The following ZNF141 variants were observed in gnomAD, a reference collection of about 807,000 sequenced individuals.
The protein encoded by ZNF141 is zinc finger protein 141 (clone pHZ-44).
A neutral mutation model predicts 11.3 loss-of-function variants in ZNF141; 7 were observed. The observed-to-expected ratio is 0.62, with a 90% CI of 0.35 to 1.16. The LOEUF (loss-of-function observed/expected upper bound fraction) is 1.16. Among genes scored for constraint, ZNF141 ranks in the 50% most tolerant of loss-of-function variants. The pLI is 0.02. For missense variants in ZNF141, 535 were observed against 554.0 expected (o/e 0.97, Z 0.34); for synonymous variants, 183 against 190.7 (o/e 0.96, Z 0.33).
rs1712360424 is a variant in ZNF141, at chr4:376,274, G to C, written c.*2412G>C. 6.6e-6 allele frequency among the ~76,000 whole-genome samples: 1 copy of C among 151,926 alleles called. No homozygotes were observed. ...GGCTTTAAATAGCAAATACATTGAA[G>C]AATATCATTCCCATATGTTGTATTT... On this transcript the variant is annotated 3_prime_UTR_variant, in exon 4 of 4. Coordinates refer to ENST00000240499, the MANE Select transcript of ZNF141 (RefSeq NM_003441.4).
chr4:374,450 A>C lies in ZNF141; in HGVS notation c.*588A>C. On this transcript the variant is annotated 3_prime_UTR_variant, in exon 4 of 4. Transcript: ENST00000240499. ...ATAAGAGAATTTATACCAGAGAGAA[A>C]CCCTACACATGTAAAGAATGTGGCA... The C allele has an allele frequency of 2.9e-6, 1 of 346,460 alleles. No individual in the cohort carries two copies. Among genetic ancestry groups the C allele is most frequent in the Non-Finnish European group, 5.9e-6 (1 of 169,380 alleles). 21.5% of individuals were successfully genotyped at this position (346,460 alleles called of 1,614,324 possible).
intron 3 of ZNF141, among the ~76,000 whole-genome samples, chr4:371,413 G>A (rs186691359): frequency 2.4e-4 from 37 of 151,714 alleles, no homozygotes; most frequent in Non-Finnish European, 4.4e-4. Context: ...TGTAGTTTTA[G>A]TAGAGACAGA....
chr4:369,766 T>A (rs10015733), intron 3 of ZNF141, among the ~76,000 whole-genome samples: 587 of 32,752 alleles, frequency 0.018, no homozygotes, highest in East Asian at 0.061. Flanking sequence ...ATATATATAT[T>A]TTTTTTTTTT....
intron 3 of ZNF141, among the ~76,000 whole-genome samples, chr4:369,696 C>T (rs1191883606): frequency 4.3e-5 from 5 of 115,446 alleles, no homozygotes; most frequent in Non-Finnish European, 8.8e-5. Flanking sequence ...TGTATCTATA[C>T]CTTTGTGGTA....
At chr4:340,886 T>C (rs1721014259) in intron 1 of ZNF141, among the ~76,000 whole-genome samples, 1 of 152,192 alleles carries the variant, frequency 6.6e-6, no homozygotes, top group African/African-American at 2.4e-5. Flanking sequence ...CTGACAGCTT[T>C]CTATCAGTTC....
At chr4:350,063 T>C in intron 3 of ZNF141, 1 of 496,790 alleles carries the variant, frequency 2.0e-6, no homozygotes, top group South Asian at 1.5e-5. Context: ...CATGGCTGGG[T>C]GTGTATCTCC....
rs140733549 is a variant in ZNF141, at chr4:351,971, A to T, written c.226+7541A>T. Among the ~76,000 whole-genome samples the T allele has an allele frequency of 7.4e-3, 1,124 of 152,264 alleles. 11 individuals are homozygous for T. The Middle Eastern group carries it at 0.075, about 10-fold the overall frequency. On this transcript the variant is annotated intron_variant, in intron 3 of 3. Transcript: ENST00000240499. ...AGTAAAATAAATTTTGATGTAGGTA[A>T]GAAGTGAGTTTATTCTAAGGAGTAT...
At chr4:340,979 A>C (rs782775874) in intron 1 of ZNF141, among the ~76,000 whole-genome samples, 1 of 152,156 alleles carries the variant, frequency 6.6e-6, no homozygotes, top group African/African-American at 2.4e-5. Context: ...TTTATAGTCC[A>C]GGGTTGCAAT....
chr4:348,908 A>G (rs1302972695), intron 3 of ZNF141, among the ~76,000 whole-genome samples: 2 of 152,138 alleles, frequency 1.3e-5, no homozygotes, highest in Non-Finnish European at 2.9e-5. Context: ...ATCACTTTGG[A>G]TAATATTCTT....
rs1414928440 is a variant in ZNF141, at chr4:382,415, C to G, written c.*8553C>G. On this transcript the variant is annotated 3_prime_UTR_variant, in exon 4 of 4. Coordinates refer to ENST00000240499, the MANE Select transcript of ZNF141 (RefSeq NM_003441.4). ...ATTGCTATGTCACTTGCCTGCAGAG[C>G]AAAAGTTGATTCAGGAACAGTAATT... Among the ~76,000 whole-genome samples, 2 of 152,044 alleles carry G rather than the reference C, an allele frequency of 1.3e-5. No individual in the cohort carries two copies. The highest frequency in any genetic ancestry group is 2.9e-5 in the Non-Finnish European group (2 of 68,016).
At chr4:355,207 T>A (rs964520668) in intron 3 of ZNF141, among the ~76,000 whole-genome samples, 3 of 152,136 alleles carry the variant, frequency 2.0e-5, no homozygotes, top group South Asian at 4.2e-4. Context: ...TTATTTATTT[T>A]TTGAGACAGT....
chr4:343,584 G>A (rs1721162599), intron 1 of ZNF141, among the ~76,000 whole-genome samples, 198 bp from the exon 2 acceptor site: 1 of 151,938 alleles, frequency 6.6e-6, no homozygotes, highest in African/African-American at 2.4e-5. Flanking sequence ...AATCAGCTGG[G>A]CGTGGTGGCG....
At chr4:345,370 G>A (rs1721271060) in intron 3 of ZNF141, among the ~76,000 whole-genome samples, 1 of 152,070 alleles carries the variant, frequency 6.6e-6, no homozygotes, top group African/African-American at 2.4e-5. Flanking sequence ...AACTCTATAT[G>A]TGCAAATTTT....
chr4:350,403 A>C (rs1376358535), intron 3 of ZNF141, among the ~76,000 whole-genome samples: 1 of 152,236 alleles, frequency 6.6e-6, no homozygotes, highest in Non-Finnish European at 1.5e-5. Context: ...TTATTTCACT[A>C]AAATAATGGC....
At chr4:341,072 CTTTT>C (rs34755542) in intron 1 of ZNF141, among the ~76,000 whole-genome samples, 1 of 142,844 alleles carries the variant, frequency 7.0e-6, no homozygotes. Context: ...AAACATTTTT[CTTTT>C]TTTTTTTTTT....
chr4:370,984 G>A (rs769255473), intron 3 of ZNF141, among the ~76,000 whole-genome samples: 30 of 151,580 alleles, frequency 2.0e-4, no homozygotes, highest in Non-Finnish European at 4.3e-4. Flanking sequence ...CACCAGCCTC[G>A]GCCTCTCAAA....
At chr4:360,701 T>C (rs1370545517) in intron 3 of ZNF141, among the ~76,000 whole-genome samples, 1 of 152,126 alleles carries the variant, frequency 6.6e-6, no homozygotes, top group Non-Finnish European at 1.5e-5. Context: ...ATAAAAATCA[T>C]TGGAGCAAGT....
chr4:347,441 G>A (rs1408449121), intron 3 of ZNF141, among the ~76,000 whole-genome samples: 2 of 150,226 alleles, frequency 1.3e-5, no homozygotes, highest in Admixed American at 6.7e-5. Context: ...CTGGGTTCAC[G>A]CCATTCTCCT....
chr4:357,326 G>A (rs985030934), intron 3 of ZNF141, among the ~76,000 whole-genome samples: 1 of 151,006 alleles, frequency 6.6e-6, no homozygotes, highest in Non-Finnish European at 1.5e-5. Flanking sequence ...TAGAGACAGC[G>A]TCCTGCTATA....
Sources: gnomAD v4.1 joint callset for allele counts (sites outside exome capture counted in the v4.1 genomes callset) on GRCh38, gnomAD v4.1.1 for gene constraint, MANE v1.5 for transcripts, NCBI Gene and HGNC (gene_info 2026-07-23, HGNC 2026-07-21) for gene names.